The following MAP4K4 variants were observed in gnomAD, a reference collection of about 807,000 sequenced individuals.
The protein encoded by MAP4K4 is HPK/GCK-like kinase HGK.
Under a neutral mutation model 189.6 loss-of-function variants are expected in MAP4K4, and 38 were observed. That is an observed-to-expected ratio of 0.20 (90% CI 0.15 to 0.26). MAP4K4 has a LOEUF of 0.26. MAP4K4 is among the 10% of genes least tolerant of loss of function. MAP4K4 has a pLI of 1.00. For synonymous variants in MAP4K4, 610 were observed against 624.3 expected (o/e 0.98, Z 0.34); for missense variants, 1,054 against 1,726.9 (o/e 0.61, Z 6.91).
chr2:101,837,489 T>G (rs1028692608), intron 9 of MAP4K4, among the ~76,000 whole-genome samples: 2 of 152,128 alleles, frequency 1.3e-5, no homozygotes, highest in East Asian at 3.9e-4. Flanking sequence ...TACCCCGTGT[T>G]TAGAATGGTT....
chr2:101,847,643 A>G (rs2097151111), intron 12 of MAP4K4, among the ~76,000 whole-genome samples: 1 of 152,236 alleles, frequency 6.6e-6, no homozygotes, highest in Non-Finnish European at 1.5e-5. Flanking sequence ...TTTTCTACAG[A>G]TTTATATGAA....
At chr2:101,697,786 G>C (rs1252355919) in exon 1 of MAP4K4, 1 of 145,638 alleles carries the variant, frequency 6.9e-6, no homozygotes, top group Non-Finnish European at 1.5e-5. Flanking sequence ...CGGGCGCCGG[G>C]GCCTGAGGCG....
intron 27 of MAP4K4, among the ~76,000 whole-genome samples, chr2:101,878,270 A>G (rs1042615505): frequency 6.6e-6 from 1 of 152,248 alleles, no homozygotes; most frequent in African/African-American, 2.4e-5. Context: ...TATTTCAAAC[A>G]TAGGATAATG....
chr2:101,824,222 A>G (rs1055422870), intron 4 of MAP4K4, among the ~76,000 whole-genome samples, 169 bp downstream of exon 4: 5 of 152,166 alleles, frequency 3.3e-5, no homozygotes, highest in Non-Finnish European at 7.3e-5. Context: ...TGGGTTGACT[A>G]TATGCTGGTT....
chr2:101,852,245 G>T (rs2097309648), intron 12 of MAP4K4, among the ~76,000 whole-genome samples: 1 of 151,852 alleles, frequency 6.6e-6, no homozygotes, highest in Non-Finnish European at 1.5e-5. Context: ...CTTAGGATTT[G>T]ATTGGATTTC....
At chr2:101,794,182 G>GTTTGTT (rs1362742539) in intron 3 of MAP4K4, among the ~76,000 whole-genome samples, 2 of 152,296 alleles carry the variant, frequency 1.3e-5, no homozygotes, top group East Asian at 3.9e-4. Flanking sequence ...CTATAATGTG[G>GTTTGTT]TTTGTTTTTG....
chr2:101,880,329 CA>C (rs1391687160), intron 27 of MAP4K4, among the ~76,000 whole-genome samples: 1 of 152,092 alleles, frequency 6.6e-6, no homozygotes, highest in Non-Finnish European at 1.5e-5. Flanking sequence ...CTTTGTGTTT[CA>C]CATTTAGGTC....
At chr2:101,853,741 T>TA (rs1193035522) in intron 12 of MAP4K4, among the ~76,000 whole-genome samples, 5 of 152,010 alleles carry the variant, frequency 3.3e-5, no homozygotes, top group African/African-American at 1.2e-4. Context: ...TATACATACA[T>TA]CATCATCTTT....
chr2:101,840,696 A>G (rs1488474033), intron 10 of MAP4K4, among the ~76,000 whole-genome samples: 1 of 152,158 alleles, frequency 6.6e-6, no homozygotes, highest in Non-Finnish European at 1.5e-5. Flanking sequence ...GGGTCCTTAT[A>G]ATAACTTTAT....
chr2:101,846,175 A>G (rs981012108), intron 12 of MAP4K4, among the ~76,000 whole-genome samples: 3 of 152,202 alleles, frequency 2.0e-5, no homozygotes, highest in Admixed American at 2.0e-4. Flanking sequence ...TTTGTAGCTA[A>G]TTTGCAAATT....
chr2:101,819,985 G>A (rs953912329), intron 3 of MAP4K4, among the ~76,000 whole-genome samples: 2 of 152,136 alleles, frequency 1.3e-5, no homozygotes, highest in Non-Finnish European at 2.9e-5. Flanking sequence ...TTTTCACACC[G>A]GTGGACAATA....
At chr2:101,785,976 C>T (rs1208467179) in intron 2 of MAP4K4, among the ~76,000 whole-genome samples, 1 of 152,114 alleles carries the variant, frequency 6.6e-6, no homozygotes, top group East Asian at 1.9e-4. Flanking sequence ...TAGGCGCCCG[C>T]CACCATGCCT....
intron 29 of MAP4K4, 124 bp from the exon 30 acceptor site, chr2:101,886,964 G>T: frequency 6.3e-6 from 4 of 636,958 alleles, no homozygotes; most frequent in Non-Finnish European, 1.0e-5. Context: ...GGCGGAGCTT[G>T]CAGTGAGCCG....
chr2:101,867,940 C>A, intron 20 of MAP4K4, 89 bp from the exon 21 acceptor site: 1 of 1,269,610 alleles, frequency 7.9e-7, no homozygotes, highest in Non-Finnish European at 1.1e-6. Flanking sequence ...ACTTCTCCCT[C>A]TCCCCTTCTT....
chr2:101,867,934 C>T (rs1013098062), intron 20 of MAP4K4, 95 bp from the exon 21 acceptor site: 3 of 1,200,882 alleles, frequency 2.5e-6, no homozygotes, highest in African/African-American at 3.0e-5. Context: ...TTCTGTACTT[C>T]TCCCTCTCCC....
At chr2:101,885,910 G>A (rs1470456168) in intron 29 of MAP4K4, among the ~76,000 whole-genome samples, 2 of 152,118 alleles carry the variant, frequency 1.3e-5, no homozygotes, top group African/African-American at 2.4e-5. Context: ...TCATTTGTGA[G>A]TTCACAAAAA....
At chr2:101,717,034 C>A (rs2048811843) in intron 2 of MAP4K4, among the ~76,000 whole-genome samples, 1 of 152,146 alleles carries the variant, frequency 6.6e-6, no homozygotes, top group Non-Finnish European at 1.5e-5. Flanking sequence ...TACAGTGTTA[C>A]AGTATGCCCT....
At chr2:101,723,615 A>C (rs2053519903) in intron 2 of MAP4K4, among the ~76,000 whole-genome samples, 1 of 152,158 alleles carries the variant, frequency 6.6e-6, no homozygotes, top group South Asian at 2.1e-4. Context: ...CAGTAAGGGT[A>C]AGTCTAGAGT....
intron 2 of MAP4K4, among the ~76,000 whole-genome samples, chr2:101,704,797 A>G (rs1573827833): frequency 6.6e-6 from 1 of 151,636 alleles, no homozygotes; most frequent in Admixed American, 6.6e-5. Flanking sequence ...AGTCAGGGTA[A>G]AGTTTTTAGA....
Sources: allele counts gnomAD v4.1 joint callset (sites outside exome capture counted in the v4.1 genomes callset), GRCh38; gene constraint gnomAD v4.1.1; transcripts MANE v1.5; gene names NCBI Gene and HGNC (gene_info 2026-07-23, HGNC 2026-07-21).